Variants in PHF20 observed in about 807,000 individuals in gnomAD.
PHF20 encodes PHD finger protein 20, also known as glioma-expressed antigen 2.
Under a neutral mutation model 113.5 loss-of-function variants are expected in PHF20, and 23 were observed. That is an observed-to-expected ratio of 0.20 (90% CI 0.15 to 0.29). PHF20 has a LOEUF of 0.29. PHF20 is among the 10% of genes least tolerant of loss of function. The probability of loss-of-function intolerance (pLI) is 1.00; values close to 1 mark genes in which losing one functional copy is unlikely to be tolerated. For synonymous variants in PHF20, 434 were observed against 457.3 expected, an observed-to-expected ratio of 0.95 and a Z score of 0.65; for missense variants, 943 against 1,219.6, an observed-to-expected ratio of 0.77 and a Z score of 3.38.
intron 2 of PHF20, among the ~76,000 whole-genome samples, chr20:35,820,322 A>G (rs992390497): frequency 6.6e-6 from 1 of 152,182 alleles, no homozygotes; most frequent in African/African-American, 2.4e-5. Context: ...GGTGATTAGG[A>G]CAGACATAGT....
chr20:35,812,221 T>G (rs1410670753), intron 2 of PHF20, among the ~76,000 whole-genome samples: 2 of 152,226 alleles, frequency 1.3e-5, no homozygotes, highest in African/African-American at 4.8e-5. Flanking sequence ...TCCAGAGATA[T>G]TCAGATGTTC....
At chr20:35,821,900 C>CT (rs1194096618) in intron 2 of PHF20, among the ~76,000 whole-genome samples, 5 of 152,046 alleles carry the variant, frequency 3.3e-5, no homozygotes, top group African/African-American at 1.2e-4. Flanking sequence ...ACTCCAAGGG[C>CT]TTTTTCTCTC....
intron 2 of PHF20, among the ~76,000 whole-genome samples, chr20:35,814,338 C>T (rs1188843391): frequency 6.6e-6 from 1 of 151,758 alleles, no homozygotes; most frequent in Non-Finnish European, 1.5e-5. Flanking sequence ...CTGCCTCAGC[C>T]TCCCAAGTAG....
chr20:35,813,959 G>GAAAAAAAAAAAAAAAA (rs2042022207), intron 2 of PHF20, among the ~76,000 whole-genome samples: 3 of 136,162 alleles, frequency 2.2e-5, no homozygotes, highest in African/African-American at 2.8e-5. Flanking sequence ...AAAAAAAAAG[G>GAAAAAAAAAAAAAAAA]AAATTGACCT....
At chr20:35,802,795 C>T (rs984065304) in intron 2 of PHF20, among the ~76,000 whole-genome samples, 7 of 150,436 alleles carry the variant, frequency 4.7e-5, no homozygotes, top group African/African-American at 7.3e-5. Flanking sequence ...AAAAATTAGC[C>T]GGGCATGGTG....
intron 10 of PHF20, among the ~76,000 whole-genome samples, chr20:35,903,043 T>TTTTTG: frequency 8.1e-6 from 1 of 123,490 alleles, no homozygotes; most frequent in Non-Finnish European, 1.6e-5. Flanking sequence ...TTTTGAGTGA[T>TTTTTG]TTTCGTTTCC....
chr20:35,784,737 C>T (rs1467309064), intron 1 of PHF20, among the ~76,000 whole-genome samples: 1 of 152,048 alleles, frequency 6.6e-6, no homozygotes, highest in East Asian at 1.9e-4. Flanking sequence ...GCACTCAGTC[C>T]CTTGTTTTTA....
intron 2 of PHF20, among the ~76,000 whole-genome samples, chr20:35,822,873 A>AG (rs2042194010): frequency 4.0e-5 from 6 of 148,584 alleles, no homozygotes; most frequent in Non-Finnish European, 9.0e-5. Context: ...AAAAAAAAAA[A>AG]GAATGTATCA....
In PHF20 at chr20:35,937,573, C is replaced by G. The variant is rs142039645; in HGVS notation, c.2301-1124C>G. On this transcript the variant is annotated intron_variant, in intron 15 of 17. Transcript: ENST00000374012. ...GATGAAGCCTCCAGGTAGCAGGCTT[C>G]AGAGAGAATAGATTGTAAATGTTTC... 5.3e-3 allele frequency among the ~76,000 whole-genome samples: 811 copies of G among 152,054 alleles called. 9 individuals carry two copies. Among genetic ancestry groups the G allele is most frequent in the African/African-American group, 0.019 (778 of 41,454 alleles).
intron 2 of PHF20, among the ~76,000 whole-genome samples, chr20:35,823,961 A>G (rs2042219297): frequency 6.6e-6 from 1 of 152,248 alleles, no homozygotes. Context: ...TGGATATACC[A>G]CAGCTTATCT....
At chr20:35,893,417 C>T (rs946437134) in intron 9 of PHF20, among the ~76,000 whole-genome samples, 1 of 152,108 alleles carries the variant, frequency 6.6e-6, no homozygotes, top group African/African-American at 2.4e-5. Flanking sequence ...AATTCACCTG[C>T]CTCAGCCTCC....
At chr20:35,936,088 G>A (rs2055859037) in intron 15 of PHF20, among the ~76,000 whole-genome samples, 1 of 152,176 alleles carries the variant, frequency 6.6e-6, no homozygotes, top group Non-Finnish European at 1.5e-5. Context: ...GCAGTTGGAA[G>A]GATGAAAATT....
At chr20:35,911,190 G>A (rs1354564652) in intron 10 of PHF20, among the ~76,000 whole-genome samples, 4 of 152,032 alleles carry the variant, frequency 2.6e-5, no homozygotes, top group Non-Finnish European at 5.9e-5. Flanking sequence ...ACAGGCGCCC[G>A]CTACCACGCC....
At position 35,863,419 on chromosome 20, in the gene PHF20, C is replaced by A. The variant is rs2054255777; in HGVS notation, c.808+19C>A. 6.4e-7 allele frequency: 1 copy of A among 1,569,406 alleles called. No homozygotes were observed. The highest frequency in any genetic ancestry group is 1.4e-5 in the African/African-American group (1 of 72,564). On this transcript the variant is annotated intron_variant, in intron 6 of 17. Coordinates refer to ENST00000374012, the MANE Select transcript of PHF20 (RefSeq NM_016436.5). ...CCTACTGGTGAGTTTTTTAAGTGGG[C>A]TCTGCAATGGGCAATGCCAGAGTAT...
chr20:35,858,609 C>T (rs1465257212), intron 5 of PHF20, among the ~76,000 whole-genome samples: 1 of 152,174 alleles, frequency 6.6e-6, no homozygotes, highest in African/African-American at 2.4e-5. Flanking sequence ...CCCGCTCTGT[C>T]GCCCAGGCTG....
intron 13 of PHF20, among the ~76,000 whole-genome samples, chr20:35,919,326 TGTTATGGTAA>T (rs1218533185): frequency 6.6e-6 from 1 of 151,448 alleles, no homozygotes; most frequent in Non-Finnish European, 1.5e-5. Context: ...AAAATATTTT[TGTTATGGTAA>T]TTTTTTTTTT....
chr20:35,937,678 C>T (rs73284950), intron 15 of PHF20, among the ~76,000 whole-genome samples: 343 of 152,320 alleles, frequency 2.3e-3, no homozygotes, highest in African/African-American at 7.4e-3. Flanking sequence ...AAAGGAGGTT[C>T]TCTATAGAAT....
At chr20:35,894,063 A>G (rs980519088) in intron 9 of PHF20, among the ~76,000 whole-genome samples, 8 of 152,246 alleles carry the variant, frequency 5.3e-5, no homozygotes, top group Non-Finnish European at 7.3e-5. Context: ...AGGTGGAGAT[A>G]ATAATCACAC....
intron 1 of PHF20, among the ~76,000 whole-genome samples, chr20:35,788,427 T>C (rs1164881030): frequency 6.6e-6 from 1 of 151,854 alleles, no homozygotes; most frequent in Non-Finnish European, 1.5e-5. Context: ...AGTTGAGATC[T>C]CACTATGTTG....
Sources: allele counts gnomAD v4.1 joint callset (sites outside exome capture counted in the v4.1 genomes callset), GRCh38; gene constraint gnomAD v4.1.1; transcripts MANE v1.5; gene names NCBI Gene and HGNC (gene_info 2026-07-23, HGNC 2026-07-21).